DNAH2: variants seen among roughly 807,000 people sequenced by gnomAD.
DNAH2 encodes dynein axonemal heavy chain 2, also known as axonemal beta dynein heavy chain 2.
DNAH2 carries 323 observed loss-of-function variants against 523.5 expected under a neutral mutation model. The ratio of observed to expected loss-of-function variants is 0.62; its 90% confidence interval spans 0.56 to 0.68. The LOEUF (loss-of-function observed/expected upper bound fraction) is 0.68, where lower values mean the gene tolerates loss of function less well. DNAH2 is among the 30% of genes least tolerant of loss of function. The pLI, the probability that DNAH2 is intolerant of heterozygous loss-of-function variation, is 0.00. For synonymous variants in DNAH2, 2,093 were observed against 2,177.4 expected (o/e 0.96, Z 1.08); for missense variants, 4,907 against 5,701.5 (o/e 0.86, Z 4.49).
chr17:7,796,135 G>A (rs1427486715), intron 49 of DNAH2, among the ~76,000 whole-genome samples: 1 of 138,234 alleles, frequency 7.2e-6, no homozygotes, highest in Non-Finnish European at 1.5e-5. Flanking sequence ...CGCAACCTCC[G>A]CCTCCTGGGG....
Position 7,832,961 on chromosome 17 carries a change from A to G in DNAH2, c.12978+33A>G. On this transcript the variant is annotated intron_variant, in intron 84 of 85. Transcript: ENST00000572933. The surrounding 1 kb of genome is among the most constrained non-coding windows in gnomAD (Gnocchi z 4.3). ...CCAGTTGTGCTTGGGGCTCTGAGCA[A>G]AAGAGGGTACTGGAAATAATTGGAC... 1 of 1,614,060 alleles carries G rather than the reference A, an allele frequency of 6.2e-7. No homozygotes were observed. The highest frequency in any genetic ancestry group is 8.5e-7 in the Non-Finnish European group (1 of 1,179,958).
Position 7,759,021 on chromosome 17 carries a change from G to A in DNAH2, c.2345G>A (p.Arg782Lys), listed in dbSNP as rs199628665. 83 of 1,614,090 alleles carry A rather than the reference G, an allele frequency of 5.1e-5. No individual in the cohort carries two copies. The highest frequency in any genetic ancestry group is 6.9e-5 in the Non-Finnish European group (81 of 1,180,046). Residue 782 changes from arginine to lysine, a missense_variant, in exon 15 of 86, where the codon AGA becomes AAA. By Grantham distance (26) the Arg-to-Lys change is conservative. This residue lies in a region of DNAH2 where 2,806 missense variants were observed against 3,190.8 expected (regional missense o/e 0.88). Transcript: ENST00000572933. ...GACCTGGAATTTGAAGAGGACCAAA[G>A]AGAGCATCGGGCAGCTGTACAGCAG... ...YRDLEFEEDQ[R>K]EHRAAVQQKL...
intron 58 of DNAH2, among the ~76,000 whole-genome samples, chr17:7,802,418 G>C (rs141190978): frequency 3.9e-5 from 6 of 152,110 alleles, no homozygotes; most frequent in Non-Finnish European, 5.9e-5. Flanking sequence ...CTCAGCATCC[G>C]TGGGGGATTG....
In DNAH2 at chr17:7,824,808, CCAA is replaced by C. The variant is rs1299422153; in HGVS notation, c.11853+90_11853+92del. The C allele has an allele frequency of 2.4e-5, 29 of 1,215,260 alleles. No homozygotes were observed. In the Middle Eastern group the frequency reaches 6.1e-4, roughly 26 times the overall value. The allele number at this position is 1,215,260 out of a possible 1,614,324, so 75.3% of individuals were successfully genotyped here. On this transcript the variant is annotated intron_variant, in intron 77 of 85. Transcript: ENST00000572933. ...TGCTAGCACCAGAGAGAGGGCTTAACCAACAACAACATGATTTGATTGTCCTCA... is the reference window on the plus strand; with the variant it reads ...TGCTAGCACCAGAGAGAGGGCTTAACCAACAACATGATTTGATTGTCCTCA...
intron 65 of DNAH2, 21 bp from the exon 66 acceptor site, chr17:7,817,540 A>AT: frequency 6.2e-7 from 1 of 1,613,594 alleles, no homozygotes; most frequent in Non-Finnish European, 8.5e-7. Flanking sequence ...AAGTTAAAGC[A>AT]TGGGGCTTTT....
At chr17:7,737,940 G>A (rs1236615918) in intron 8 of DNAH2, 3 of 702,032 alleles carry the variant, frequency 4.3e-6, no homozygotes, top group Non-Finnish European at 7.8e-6. Context: ...TGGGGACAGA[G>A]GCTGTGGGGA....
Position 7,798,504 on chromosome 17 carries a change from AG to A in DNAH2, c.8399-53del. On this transcript the variant is annotated intron_variant, in intron 54 of 85. Coordinates refer to ENST00000572933, the MANE Select transcript of DNAH2 (RefSeq NM_020877.5). This position sits in a 1 kb window ranked among gnomAD's most constrained non-coding sequence, Gnocchi z 5.5. ...TTCCTAAATCTCAGAAAAGGAATCA[AG>A]CCCAGGATGGGGAATCTGCAGTGAG... The A allele has an allele frequency of 6.2e-7, 1 of 1,604,000 alleles. No homozygotes were observed. Among genetic ancestry groups the A allele is most frequent in the Non-Finnish European group, 8.5e-7 (1 of 1,174,972 alleles).
At chr17:7,768,944 T>C (rs558361270) in intron 24 of DNAH2, among the ~76,000 whole-genome samples, 30 of 152,314 alleles carry the variant, frequency 2.0e-4, no homozygotes, top group African/African-American at 6.7e-4. Flanking sequence ...CCTCCATTCA[T>C]CGCTTGATGG....
chr17:7,830,675 G>A lies in DNAH2; in HGVS notation c.12063G>A (p.Leu4021=), dbSNP rs550423629. Residue 4021 remains leucine, a synonymous_variant, in exon 79 of 86, where the codon CTG becomes CTA. Coordinates refer to ENST00000572933, the MANE Select transcript of DNAH2 (RefSeq NM_020877.5). ...ATGCCTAGGTGTCAGAAAACTTGCT[G>A]AGCCTCTATCTCGATGAGTACGAGG... ...DSDFEVSENL[L]SLYLDEYEET... The A allele has an allele frequency of 6.2e-7, 1 of 1,614,192 alleles. No individual in the cohort carries two copies. The highest frequency in any genetic ancestry group is 1.1e-5 in the South Asian group (1 of 91,084).
At chr17:7,822,342 C>T (rs112846834) in intron 73 of DNAH2, among the ~76,000 whole-genome samples, 1 of 152,140 alleles carries the variant, frequency 6.6e-6, no homozygotes, top group Non-Finnish European at 1.5e-5. Context: ...CACCACACAG[C>T]CCCCACTCCA....
chr17:7,794,936 A>G (rs905420433), intron 49 of DNAH2, among the ~76,000 whole-genome samples: 3 of 151,812 alleles, frequency 2.0e-5, no homozygotes, highest in African/African-American at 7.3e-5. Context: ...TGTATTTTCA[A>G]TAGAGACAGA....
chr17:7,806,328 C>T (rs888008991), intron 61 of DNAH2, among the ~76,000 whole-genome samples: 13 of 152,040 alleles, frequency 8.6e-5, no homozygotes, highest in African/African-American at 2.9e-4. Flanking sequence ...ATGGGCTTAT[C>T]GGGAGCATCT....
chr17:7,757,274 C>T, intron 13 of DNAH2, 37 bp downstream of exon 13: 1 of 1,596,604 alleles, frequency 6.3e-7, no homozygotes, highest in Non-Finnish European at 8.6e-7. Context: ...CTTCAAGATG[C>T]TATTTTATTC....
chr17:7,778,319 AG>A lies in DNAH2; in HGVS notation c.5396del (p.Gly1799AlafsTer95). The A allele has an allele frequency of 6.2e-7, 1 of 1,614,156 alleles. No individual in the cohort carries two copies. Among genetic ancestry groups the A allele is most frequent in the Non-Finnish European group, 8.5e-7 (1 of 1,180,016 alleles). The part of the protein sequence containing the change: ...TLTTALHLHR[G>X]GSPKGPAGTG... The stretch of plus-strand genomic sequence containing the variant: ...TGACCACGGCATTGCACCTGCACCG[AG>A]GGGGCTCCCCCAAAGGCCCTGCAGG... On this transcript the variant is annotated frameshift_variant, in exon 35 of 86. Coordinates refer to ENST00000572933, the MANE Select transcript of DNAH2 (RefSeq NM_020877.5). LOFTEE classifies it high-confidence loss of function.
In DNAH2 at chr17:7,799,254, G is replaced by T. The variant is rs772898392; in HGVS notation, c.8699+12G>T. On this transcript the variant is annotated intron_variant, in intron 56 of 85. Coordinates refer to ENST00000572933, the MANE Select transcript of DNAH2 (RefSeq NM_020877.5). The stretch of plus-strand genomic sequence containing the variant: ...GGGGATCCCTTCAGGTGACTTCTGT[G>T]ACATCCTTCTCTCAGCCCCTTCTGT... The T allele has an allele frequency of 6.2e-7, 1 of 1,613,138 alleles. No homozygotes were observed.
Position 7,757,227 on chromosome 17 carries a change from G to C in DNAH2, c.2041G>C (p.Asp681His). Residue 681 changes from aspartate to histidine, a missense_variant, in exon 13 of 86, where the codon GAC (aspartate) becomes CAC (histidine). Physicochemically the swap from Asp to His is moderately conservative, Grantham distance 81. This residue lies in a region of DNAH2 where 2,806 missense variants were observed against 3,190.8 expected (regional missense o/e 0.88). Coordinates refer to ENST00000572933, the MANE Select transcript of DNAH2 (RefSeq NM_020877.5). The stretch of plus-strand genomic sequence containing the variant: ...TGAAAATCTGCTACTCGTTGCTAGA[G>C]ACTACAATAGGTAGGGCTTCAGTCC... ...LRENLLLVAR[D>H]YNRIIAMLSP... 1 of 1,614,146 alleles carries C rather than the reference G, an allele frequency of 6.2e-7. No homozygotes were observed.
chr17:7,771,343 G>A lies in DNAH2; in HGVS notation c.4376G>A (p.Gly1459Glu), dbSNP rs2076309580. ...TGGCCCCCTCAGAATATCTTCCTAG[G>A]AGAAGACATCCGCAAGCAGCTGCCC... The part of the protein sequence containing the change: ...QWMYLENIFL[G>E]EDIRKQLPNE... Residue 1459 changes from glycine to glutamate, a missense_variant, in exon 28 of 86, where the codon GGA becomes GAA. Transcript: ENST00000572933. 1 of 1,614,116 alleles carries A rather than the reference G, an allele frequency of 6.2e-7. No individual in the cohort carries two copies. The highest frequency in any genetic ancestry group is 8.5e-7 in the Non-Finnish European group (1 of 1,180,024).
Position 7,824,116 on chromosome 17 carries a change from G to T in DNAH2, c.11479-5G>T. The T allele has an allele frequency of 6.4e-7, 1 of 1,558,256 alleles. No homozygotes were observed. ...TGCCTGATGCTATACCTGTGCTTCT[G>T]GCAGGTGCTGGAGGATTCAACCCCA... On this transcript the variant is annotated splice_region_variant and splice_polypyrimidine_tract_variant and intron_variant, in intron 75 of 85. Coordinates refer to ENST00000572933, the MANE Select transcript of DNAH2 (RefSeq NM_020877.5).
Position 7,734,173 on chromosome 17 carries a change from C to G in DNAH2, c.629-10C>G. 6.3e-7 allele frequency: 1 copy of G among 1,576,206 alleles called. No homozygotes were observed. The highest frequency in any genetic ancestry group is 1.2e-5 in the South Asian group (1 of 85,866). The stretch of plus-strand genomic sequence containing the variant: ...CCTCTGTCCACTTCCACAAACTTTC[C>G]TTTCCTTAGACACTCGGTACAAACT... On this transcript the variant is annotated splice_polypyrimidine_tract_variant and intron_variant, in intron 5 of 85. Coordinates refer to ENST00000572933, the MANE Select transcript of DNAH2 (RefSeq NM_020877.5).
Sources: allele counts gnomAD v4.1 joint callset (sites outside exome capture counted in the v4.1 genomes callset), GRCh38; gene constraint gnomAD v4.1.1; regional missense constraint gnomAD v4.1.1; non-coding constraint Gnocchi (gnomAD v3.1); transcripts MANE v1.5; gene names NCBI Gene and HGNC (gene_info 2026-07-23, HGNC 2026-07-21).